The following INTS2 variants were observed in gnomAD, a reference collection of about 807,000 sequenced individuals.
The protein encoded by INTS2 is KIAA1287.
In INTS2, 57 loss-of-function variants were observed where a neutral mutation model predicts 139.6. That is an observed-to-expected ratio of 0.41 (90% CI 0.33 to 0.51). The LOEUF (loss-of-function observed/expected upper bound fraction) is 0.51. Ranked by LOEUF, INTS2 falls within the 20% of genes least tolerant of loss-of-function variation. The pLI, the probability that INTS2 is intolerant of heterozygous loss-of-function variation, is 0.28. For missense variants in INTS2, 1,196 were observed against 1,436.7 expected (o/e 0.83, Z 2.71); for synonymous variants, 473 against 493.4 (o/e 0.96, Z 0.55).
intron 5 of INTS2, among the ~76,000 whole-genome samples, chr17:61,916,162 C>T (rs940883637): frequency 2.0e-5 from 3 of 152,188 alleles, no homozygotes; most frequent in African/African-American, 7.2e-5. Context: ...AGGCCAGGCA[C>T]GGTGGCTCAC....
intron 16 of INTS2, among the ~76,000 whole-genome samples, 189 bp from the exon 17 acceptor site, chr17:61,881,360 G>A (rs2079176919): frequency 6.6e-6 from 1 of 152,192 alleles, no homozygotes; most frequent in East Asian, 1.9e-4. Flanking sequence ...ACTTTGGGAA[G>A]CCGAGGCGGG....
intron 4 of INTS2, among the ~76,000 whole-genome samples, chr17:61,920,792 G>C (rs1214148632): frequency 6.6e-6 from 1 of 151,704 alleles, no homozygotes; most frequent in Non-Finnish European, 1.5e-5. Flanking sequence ...GACAGAGTGA[G>C]ACTCCATCTC....
rs2079140176 is a variant in INTS2, at chr17:61,877,933, T to A, written c.2410A>T (p.Thr804Ser). ...AGAACCATCCATAGTTTATTGACTG[T>A]TTGCAGAATTCTCCGTGGAACCCCT... is the stretch of plus-strand genomic sequence containing the variant. ...NSGVPRRILQ[T>S]VNKLWMVLNT... The change falls in exon 18 of 25, where the codon ACA becomes TCA. Residue 804 changes from threonine to serine, a missense_variant. Around this residue, in one of 3 missense-constraint regions of INTS2, gnomAD observed 1,129 missense variants for 1,341.9 expected, o/e 0.84. Coordinates refer to ENST00000251334, the MANE Select transcript of INTS2 (RefSeq NM_001351695.2). 1 of 1,613,848 alleles carries A rather than the reference T, an allele frequency of 6.2e-7. No homozygotes were observed. Among genetic ancestry groups the A allele is most frequent in the African/African-American group, 1.3e-5 (1 of 75,046 alleles).
chr17:61,920,143 C>T (rs2079623842), intron 4 of INTS2, among the ~76,000 whole-genome samples: 1 of 149,748 alleles, frequency 6.7e-6, no homozygotes, highest in Admixed American at 6.7e-5. Flanking sequence ...TTTTATAGAA[C>T]TGGTCTAAAG....
chr17:61,905,513 G>C (rs2143070330), intron 8 of INTS2, among the ~76,000 whole-genome samples: 1 of 152,226 alleles, frequency 6.6e-6, no homozygotes, highest in Admixed American at 6.5e-5. Context: ...TTTTAGTAGA[G>C]AGAGGGTTTC....
In INTS2 at chr17:61,865,828, ATTAC is replaced by A. The variant is rs1373544720; in HGVS notation, c.*1725_*1728del. 5.3e-5 allele frequency: 8 copies of A among 152,236 alleles called. No individual in the cohort carries two copies. Among genetic ancestry groups the A allele is most frequent in the African/African-American group, 1.4e-4 (6 of 41,452 alleles). The allele number at this position is 152,236 out of a possible 1,614,324, so 9.4% of individuals were successfully genotyped here. ...TATTACTTTTATTTTTCACATCAAAATTACTTAATTGAACATTAAGCATCTAATA... is the reference window on the plus strand; with the variant it reads ...TATTACTTTTATTTTTCACATCAAAATTAATTGAACATTAAGCATCTAATA... On this transcript the variant is annotated 3_prime_UTR_variant, in exon 25 of 25. Coordinates refer to ENST00000251334, the MANE Select transcript of INTS2 (RefSeq NM_001351695.2). This position sits in a 1 kb window ranked among gnomAD's most constrained non-coding sequence, Gnocchi z 4.8.
At chr17:61,912,114 G>C in intron 5 of INTS2, 44 bp from the exon 6 acceptor site, 2 of 1,588,478 alleles carry the variant, frequency 1.3e-6, no homozygotes, top group East Asian at 2.2e-5. Context: ...AGAATTAATT[G>C]TTCATGAAGA....
At position 61,904,372 on chromosome 17, in the gene INTS2, T is replaced by C. The variant is rs530785212; in HGVS notation, c.1307+88A>G. On this transcript the variant is annotated intron_variant, in intron 9 of 24. Transcript: ENST00000251334. ...CTGTCCATACCTAGACCAGCTTTTG[T>C]AGAAAACTCTTATCTAATGCTATAC... 5.2e-6 allele frequency: 5 copies of C among 956,292 alleles called. No homozygotes were observed. The East Asian group carries it at 1.3e-4, about 24-fold the overall frequency. 59.2% of individuals were successfully genotyped at this position (956,292 alleles called of 1,614,324 possible). A position where few individuals can be genotyped will look rare whatever the true frequency, so the allele number is the denominator to read the frequency against.
At chr17:61,883,813 A>T (rs954174951) in intron 16 of INTS2, among the ~76,000 whole-genome samples, 24 of 151,672 alleles carry the variant, frequency 1.6e-4, no homozygotes, top group African/African-American at 5.6e-4. Flanking sequence ...AAACACCCAC[A>T]CTCAAACATT....
chr17:61,899,922 A>AC (rs2079387705), intron 9 of INTS2, among the ~76,000 whole-genome samples: 1 of 152,074 alleles, frequency 6.6e-6, no homozygotes, highest in African/African-American at 2.4e-5. Context: ...AAAAAAAAAA[A>AC]AAAATACCTT....
intron 3 of INTS2, among the ~76,000 whole-genome samples, chr17:61,924,557 G>A (rs903610526): frequency 6.6e-6 from 1 of 152,210 alleles, no homozygotes; most frequent in Non-Finnish European, 1.5e-5. Flanking sequence ...GGTGACCCAT[G>A]CCTGTAATCC....
intron 5 of INTS2, among the ~76,000 whole-genome samples, chr17:61,917,760 AC>A (rs1366511077): frequency 6.6e-6 from 1 of 152,128 alleles, no homozygotes; most frequent in Admixed American, 6.6e-5. Flanking sequence ...CTGCACATGT[AC>A]CCCCCTGAAT....
intron 4 of INTS2, among the ~76,000 whole-genome samples, chr17:61,920,130 T>G (rs1189494761): frequency 1.3e-5 from 2 of 151,948 alleles, no homozygotes; most frequent in African/African-American, 2.4e-5. Flanking sequence ...ACAGGAAATT[T>G]TATTTTATAG....
At chr17:61,891,877 T>A (rs892119970) in intron 13 of INTS2, among the ~76,000 whole-genome samples, 188 bp from the exon 14 acceptor site, 1 of 152,122 alleles carries the variant, frequency 6.6e-6, no homozygotes, top group African/African-American at 2.4e-5. Flanking sequence ...TACCATTATA[T>A]CTGTATCATC....
intron 12 of INTS2, 107 bp downstream of exon 12, chr17:61,895,208 A>C (rs1234610539): frequency 1.6e-6 from 1 of 633,578 alleles, no homozygotes; most frequent in African/African-American, 1.9e-5. Flanking sequence ...CATGAGTTTA[A>C]AAAGAAAAAA....
Position 61,893,946 on chromosome 17 carries a change from A to G in INTS2, c.1564-47T>C. On this transcript the variant is annotated intron_variant, in intron 12 of 24. Coordinates refer to ENST00000251334, the MANE Select transcript of INTS2 (RefSeq NM_001351695.2). The surrounding 1 kb of genome is among the most constrained non-coding windows in gnomAD (Gnocchi z 5.4). ...AGTAATATAATAGAACTAAATATAAAATTATTTTGAAAGAGAGATTAGTAA... is the reference window on the plus strand; with the variant it reads ...AGTAATATAATAGAACTAAATATAAGATTATTTTGAAAGAGAGATTAGTAA... The G allele has an allele frequency of 7.5e-7, 1 of 1,340,976 alleles. No homozygotes were observed. The highest frequency in any genetic ancestry group is 1.0e-6 in the Non-Finnish European group (1 of 987,924). The allele number at this position is 1,340,976 out of a possible 1,614,324, so 83.1% of individuals were successfully genotyped here.
chr17:61,915,817 A>G (rs1274441520), intron 5 of INTS2, among the ~76,000 whole-genome samples: 474 of 39,874 alleles, frequency 0.012, 2 homozygotes, highest in African/African-American at 0.025. Context: ...GACTCTGTCT[A>G]AAAAAAAAAA....
At chr17:61,874,661 A>T (rs2079113858) in intron 19 of INTS2, among the ~76,000 whole-genome samples, 1 of 152,166 alleles carries the variant, frequency 6.6e-6, no homozygotes, top group South Asian at 2.1e-4. Flanking sequence ...AAAAACCACT[A>T]TTTGTGGCAC....
Position 61,897,087 on chromosome 17 carries a change from A to G in INTS2, c.1494+382T>C, listed in dbSNP as rs1394137493. On this transcript the variant is annotated intron_variant, in intron 11 of 24. Coordinates refer to ENST00000251334, the MANE Select transcript of INTS2 (RefSeq NM_001351695.2). The surrounding 1 kb of genome is among the most constrained non-coding windows in gnomAD (Gnocchi z 4.4). Reference sequence around the variant, plus strand: ...CAAACAATGGACTATAAGACAATGCAGTCATTAAAAATTATACTGTATTAT... The same window carrying G: ...CAAACAATGGACTATAAGACAATGCGGTCATTAAAAATTATACTGTATTAT... Among the ~76,000 whole-genome samples the G allele has an allele frequency of 2.6e-5, 4 of 152,204 alleles. No individual in the cohort carries two copies. The highest frequency in any genetic ancestry group is 4.4e-5 in the Non-Finnish European group (3 of 68,024).
Sources: gnomAD v4.1 joint callset for allele counts (sites outside exome capture counted in the v4.1 genomes callset) on GRCh38, gnomAD v4.1.1 for gene constraint, gnomAD v4.1.1 regional missense constraint, Gnocchi (gnomAD v3.1) non-coding constraint, MANE v1.5 for transcripts, NCBI Gene and HGNC (gene_info 2026-07-23, HGNC 2026-07-21) for gene names.